ASPM: variants seen among roughly 807,000 people sequenced by gnomAD.
ASPM encodes assembly factor for spindle microtubules.
In ASPM, 256 loss-of-function variants were observed where a neutral mutation model predicts 366.4. The observed-to-expected ratio is 0.70, with a 90% CI of 0.63 to 0.77. The LOEUF is 0.77. Among genes scored for constraint, ASPM ranks in the 30% least tolerant of loss-of-function variants. The pLI, the probability that ASPM is intolerant of heterozygous loss-of-function variation, is 0.00. For synonymous variants in ASPM, 1,414 were observed against 1,342.9 expected (o/e 1.05, Z -1.16); for missense variants, 4,146 against 4,090.4 (o/e 1.01, Z -0.37).
At chr1:197,096,618 G>A (rs932358145) in intron 18 of ASPM, among the ~76,000 whole-genome samples, 1 of 151,780 alleles carries the variant, frequency 6.6e-6, no homozygotes, top group Non-Finnish European at 1.5e-5. Flanking sequence ...AATCCTGAGA[G>A]CTCCTGTGAT....
At chr1:197,100,360 T>C in intron 18 of ASPM, 71 bp downstream of exon 18, 1 of 1,082,550 alleles carries the variant, frequency 9.2e-7, no homozygotes. Context: ...TAAGCTCATT[T>C]TATACATTCT....
rs750394817 is a variant in ASPM, at chr1:197,139,881, A to G, written c.1922-10T>C. 1.3e-6 allele frequency: 2 copies of G among 1,542,260 alleles called. No homozygotes were observed. The highest frequency in any genetic ancestry group is 4.5e-5 in the East Asian group (2 of 44,400). On this transcript the variant is annotated splice_polypyrimidine_tract_variant and intron_variant, in intron 3 of 27. Coordinates refer to ENST00000367409, the MANE Select transcript of ASPM (RefSeq NM_018136.5). Reference sequence around the variant, plus strand: ...CTGAATATTGATAAATCTAAAATAAATTAGAAAACAAAACTAAGAGCATTA... The same window carrying G: ...CTGAATATTGATAAATCTAAAATAAGTTAGAAAACAAAACTAAGAGCATTA...
At chr1:197,139,317 C>G in intron 4 of ASPM, 1 of 768,976 alleles carries the variant, frequency 1.3e-6, no homozygotes, top group South Asian at 1.5e-5. Flanking sequence ...ATGTTTTTGG[C>G]CGGGCGCGGT....
intron 1 of ASPM, among the ~76,000 whole-genome samples, chr1:197,144,798 ACG>A: frequency 6.6e-6 from 1 of 152,290 alleles, no homozygotes; most frequent in East Asian, 1.9e-4. Context: ...CCAAATTTAA[ACG>A]CTGACATGAC....
At position 197,101,970 on chromosome 1, in the gene ASPM, G is replaced by C. The variant is rs752506858; in HGVS notation, c.7281C>G (p.Phe2427Leu). 1.0e-4 allele frequency: 164 copies of C among 1,612,668 alleles called. 1 individual carries two copies. The highest frequency in any genetic ancestry group is 1.7e-5 in the Admixed American group (1 of 59,752). ...AAATAGTAGCTTTTTTGAGGGAAATGAATCTTCTCCTCACCAGTAATGATC... is the reference window on the plus strand; with the variant it reads ...AAATAGTAGCTTTTTTGAGGGAAATCAATCTTCTCCTCACCAGTAATGATC... ...RFRSLLVRRRFISLKKATIFV... is the reference protein window; with the variant it reads ...RFRSLLVRRRLISLKKATIFV... The change falls in exon 18 of 28, where the codon TTC becomes TTG. Residue 2427 changes from phenylalanine (F) to leucine (L), a missense_variant. By Grantham distance (22) the Phe-to-Leu change is conservative (BLOSUM62 0). This residue lies in a region of ASPM where 3,624 missense variants were observed against 3,591.7 expected (regional missense o/e 1.01). Coordinates refer to ENST00000367409, the MANE Select transcript of ASPM (RefSeq NM_018136.5).
intron 4 of ASPM, chr1:197,139,014 T>C (rs1658502376): frequency 1.4e-6 from 1 of 724,930 alleles, no homozygotes; most frequent in Non-Finnish European, 2.5e-6. Flanking sequence ...AGCACTCTTG[T>C]CTTTTGGCTT....
chr1:197,129,761 G>T (rs528925882), intron 8 of ASPM, among the ~76,000 whole-genome samples, 154 bp downstream of exon 8: 1 of 152,220 alleles, frequency 6.6e-6, no homozygotes, highest in African/African-American at 2.4e-5. Context: ...GGAATTAACG[G>T]GGAATGAGGG....
chr1:197,127,510 G>C (rs1270700639), intron 10 of ASPM, among the ~76,000 whole-genome samples: 1 of 152,096 alleles, frequency 6.6e-6, no homozygotes, highest in Non-Finnish European at 1.5e-5. Context: ...GACCCCAAAA[G>C]TGCTTCCTTG....
At chr1:197,133,846 G>A (rs1557961234) in intron 5 of ASPM, among the ~76,000 whole-genome samples, 1 of 151,518 alleles carries the variant, frequency 6.6e-6, no homozygotes, top group Non-Finnish European at 1.5e-5. Context: ...CCGGACTAAT[G>A]AATTAACTTC....
chr1:197,085,055 T>A (rs1258353804), intron 27 of ASPM, among the ~76,000 whole-genome samples: 1 of 152,194 alleles, frequency 6.6e-6, no homozygotes, highest in African/African-American at 2.4e-5. Context: ...CTTACTTTCC[T>A]GTGTATCTAG....
chr1:197,103,057 G>C lies in ASPM; in HGVS notation c.6194C>G (p.Thr2065Ser). Residue 2065 changes from threonine to serine, a missense_variant, in exon 18 of 28, where the codon ACC becomes AGC. Around this residue, in one of 3 missense-constraint regions of ASPM, gnomAD observed 3,624 missense variants for 3,591.7 expected, o/e 1.01. Coordinates refer to ENST00000367409, the MANE Select transcript of ASPM (RefSeq NM_018136.5). ...RAYKTKKKYA[T>S]YRASAIIIQR... is the part of the protein sequence containing the mutation. ...AATTATAATAGCTGAAGCTCTATAG[G>C]TTGCATATTTCTTTTTGGTTTTGTA... 6.2e-7 allele frequency: 1 copy of C among 1,612,286 alleles called. No individual in the cohort carries two copies.
intron 9 of ASPM, 129 bp downstream of exon 9, chr1:197,129,058 C>T: frequency 9.6e-7 from 1 of 1,037,720 alleles, no homozygotes; most frequent in Non-Finnish European, 1.4e-6. Flanking sequence ...ACAGGCATTC[C>T]TATTTTACTC....
intron 17 of ASPM, among the ~76,000 whole-genome samples, chr1:197,115,234 C>T (rs1657707089): frequency 6.6e-6 from 1 of 152,142 alleles, no homozygotes; most frequent in African/African-American, 2.4e-5. Flanking sequence ...GTAAGAAGCA[C>T]CTCCTCATCT....
At position 197,146,303 on chromosome 1, in the gene ASPM, G is replaced by A. The variant is rs200874183; in HGVS notation, c.135C>T (p.Cys45=). Residue 45 remains cysteine (C), a synonymous_variant, in exon 1 of 28, where the codon TGC becomes TGT. Transcript: ENST00000367409. The part of the protein sequence containing the change: ...SPPVLSLSHF[C]RSPFLCFGDV... ...CCCCGAAGCAAAGGAAAGGAGACCT[G>A]CAGAAGTGGCTGAGAGACAGGACCG... 8.1e-5 allele frequency: 131 copies of A among 1,614,072 alleles called. No individual in the cohort carries two copies. The highest frequency in any genetic ancestry group is 7.2e-4 in the South Asian group (66 of 91,084).
rs377697481 is a variant in ASPM, at chr1:197,126,356, G to A, written c.2937-1165C>T. 1.7e-4 allele frequency among the ~76,000 whole-genome samples: 24 copies of A among 144,382 alleles called. No individual in the cohort carries two copies. In the East Asian group the frequency reaches 2.9e-3, roughly 18 times the overall value. 94.7% of individuals were successfully genotyped at this position (144,382 alleles called of 152,430 possible). Reference sequence around the variant, plus strand: ...CTCATGGAGCTGAGGCAGGAGAATCGCTAGAACACAGAGGCAGAGGCTGCA... The same window carrying A: ...CTCATGGAGCTGAGGCAGGAGAATCACTAGAACACAGAGGCAGAGGCTGCA... On this transcript the variant is annotated intron_variant, in intron 10 of 27. Transcript: ENST00000367409.
intron 3 of ASPM, among the ~76,000 whole-genome samples, chr1:197,142,110 T>G (rs1217014007): frequency 2.0e-5 from 3 of 152,158 alleles, no homozygotes; most frequent in Non-Finnish European, 4.4e-5. Flanking sequence ...TATCAAAGAA[T>G]TTGTTATCTG....
chr1:197,096,986 A>G (rs1656993468), intron 18 of ASPM, among the ~76,000 whole-genome samples: 1 of 151,824 alleles, frequency 6.6e-6, no homozygotes, highest in South Asian at 2.1e-4. Flanking sequence ...ACCCAAGTCT[A>G]TTTGACTCCA....
At chr1:197,115,220 A>C (rs1364359136) in intron 17 of ASPM, among the ~76,000 whole-genome samples, 1 of 152,144 alleles carries the variant, frequency 6.6e-6, no homozygotes, top group South Asian at 2.1e-4. Flanking sequence ...TTGTTTGCTT[A>C]TCTGTAAGAA....
intron 18 of ASPM, among the ~76,000 whole-genome samples, chr1:197,098,216 T>TATATATAAAACATACATATATATAAAACA (rs1657042922): frequency 1.3e-5 from 2 of 150,476 alleles, no homozygotes; most frequent in African/African-American, 4.9e-5. Flanking sequence ...ACATACATAT[T>TATATATAAAACATACATATATATAAAACA]TACATATATA....
Sources: allele counts gnomAD v4.1 joint callset (sites outside exome capture counted in the v4.1 genomes callset), GRCh38; gene constraint gnomAD v4.1.1; regional missense constraint gnomAD v4.1.1; transcripts MANE v1.5; gene names NCBI Gene and HGNC (gene_info 2026-07-23, HGNC 2026-07-21).